Variants in GNRHR observed in about 807,000 individuals in gnomAD.
GNRHR encodes gonadotropin-releasing hormone receptor.
A neutral mutation model predicts 28.1 loss-of-function variants in GNRHR; 14 were observed. The ratio of observed to expected loss-of-function variants is 0.50; its 90% CI spans 0.33 to 0.78. The LOEUF is 0.78. Among genes scored for constraint, GNRHR ranks in the 30% least tolerant of loss-of-function variants. The probability of loss-of-function intolerance (pLI) is 0.02; values close to 1 mark genes in which losing one functional copy is unlikely to be tolerated. For missense variants in GNRHR, 366 were observed against 382.1 expected (o/e 0.96, Z 0.35); for synonymous variants, 141 against 140.5 (o/e 1.00, Z -0.02).
chr4:67,739,678 C>G lies in GNRHR; in HGVS notation c.*802G>C, dbSNP rs35610027. ...TCATACTATGCATAGAGCGTACTCA[C>G]TATGAGTATTTTCTTAGTTGCATTT... On this transcript the variant is annotated 3_prime_UTR_variant, in exon 3 of 3. Coordinates refer to ENST00000226413, the MANE Select transcript of GNRHR (RefSeq NM_000406.3). 0.23 allele frequency: 34,824 copies of G among 151,886 alleles called. 4,107 individuals carry two copies. The highest frequency in any genetic ancestry group is 0.3 in the Middle Eastern group (88 of 294). 9.4% of individuals were successfully genotyped at this position (151,886 alleles called of 1,614,324 possible). A position where few individuals can be genotyped will look rare whatever the true frequency, so the allele number is the denominator to read the frequency against.
chr4:67,744,623 G>T lies in GNRHR; in HGVS notation c.687C>A (p.Ile229=). The part of the protein sequence containing the change: ...LFIIPLFIML[I]CNAKIIFTLT... ...GGGTGAAGATGATTTTTGCATTGCA[G>T]ATCAGCATGATGAAAAGAGGGATGA... is the stretch of plus-strand genomic sequence containing the variant. Residue 229 remains isoleucine, a synonymous_variant, in exon 2 of 3, where the codon ATC becomes ATA. Coordinates refer to ENST00000226413, the MANE Select transcript of GNRHR (RefSeq NM_000406.3). The T allele has an allele frequency of 6.2e-7, 1 of 1,613,438 alleles. No homozygotes were observed. The highest frequency in any genetic ancestry group is 1.3e-5 in the African/African-American group (1 of 75,056).
intron 1 of GNRHR, among the ~76,000 whole-genome samples, chr4:67,748,017 T>C (rs765565370): frequency 2.6e-5 from 4 of 152,184 alleles, no homozygotes; most frequent in Non-Finnish European, 4.4e-5. Flanking sequence ...TTGCTTTTAG[T>C]TGTTCATTTG....
chr4:67,753,649 T>G (rs1731910274), intron 1 of GNRHR, 165 bp downstream of exon 1: 2 of 637,504 alleles, frequency 3.1e-6, no homozygotes, highest in South Asian at 1.9e-5. Flanking sequence ...TTAAGAAGTT[T>G]GCCCAAGGTA....
In GNRHR at chr4:67,740,522, G is replaced by T; in HGVS notation, c.945C>A (p.Asn315Lys). 1 of 1,605,910 alleles carries T rather than the reference G, an allele frequency of 6.2e-7. No homozygotes were observed. The highest frequency in any genetic ancestry group is 1.3e-5 in the African/African-American group (1 of 74,840). ...NHFFFLFAFL[N>K]PCFDPLIYGY... ...CATAGATAAGTGGATCAAAGCATGG[G>T]TTTAAAAAGGCAAAGAGAAAGAAGA... The change falls in exon 3 of 3, where the codon AAC becomes AAA. Residue 315 changes from asparagine to lysine, a missense_variant. Asn to Lys is a moderately conservative substitution (Grantham distance 94). Transcript: ENST00000226413.
intron 1 of GNRHR, among the ~76,000 whole-genome samples, chr4:67,749,871 A>C (rs1392228965): frequency 6.6e-6 from 1 of 152,138 alleles, no homozygotes; most frequent in Non-Finnish European, 1.5e-5. Context: ...ATTTTGAAAA[A>C]TTTGAAATAA....
At position 67,748,653 on chromosome 4, in the gene GNRHR, A is replaced by G. The variant is rs1015366388; in HGVS notation, c.523-3866T>C. Among the ~76,000 whole-genome samples, 15 of 151,808 alleles carry G rather than the reference A, an allele frequency of 9.9e-5. 1 individual carries two copies. Among genetic ancestry groups the G allele is most frequent in the African/African-American group, 3.1e-4 (13 of 41,386 alleles). ...GGCTGCACCCATTAACTCGCATGGC[A>G]CATGTATACATATGTAACAAACCTG... On this transcript the variant is annotated intron_variant, in intron 1 of 2. Coordinates refer to ENST00000226413, the MANE Select transcript of GNRHR (RefSeq NM_000406.3).
chr4:67,740,509 G>A lies in GNRHR; in HGVS notation c.958C>T (p.Pro320Ser). The change falls in exon 3 of 3, where the codon CCA becomes TCA. Residue 320 changes from proline (P) to serine (S), a missense_variant. Coordinates refer to ENST00000226413, the MANE Select transcript of GNRHR (RefSeq NM_000406.3). ...LFAFLNPCFD[P>S]LIYGYFSL ...AGAGAAAAATATCCATAGATAAGTG[G>A]ATCAAAGCATGGGTTTAAAAAGGCA... 1 of 1,605,126 alleles carries A rather than the reference G, an allele frequency of 6.2e-7. No individual in the cohort carries two copies. The highest frequency in any genetic ancestry group is 8.5e-7 in the Non-Finnish European group (1 of 1,171,948).
At chr4:67,753,310 G>T (rs1181905247) in intron 1 of GNRHR, among the ~76,000 whole-genome samples, 1 of 152,162 alleles carries the variant, frequency 6.6e-6, no homozygotes, top group Admixed American at 6.5e-5. Context: ...TCTCTAAGCT[G>T]CAGTGACAGA....
intron 2 of GNRHR, among the ~76,000 whole-genome samples, chr4:67,743,457 C>T (rs779015563): frequency 7.2e-5 from 11 of 152,172 alleles, no homozygotes; most frequent in Admixed American, 1.3e-4. Context: ...AGACTGTAGT[C>T]TCCATGAAAG....
chr4:67,748,847 A>G (rs547586537), intron 1 of GNRHR, among the ~76,000 whole-genome samples: 7 of 152,080 alleles, frequency 4.6e-5, no homozygotes, highest in African/African-American at 1.7e-4. Flanking sequence ...TCCACTTAGT[A>G]AACAGTAATT....
chr4:67,748,734 T>C (rs565071011), intron 1 of GNRHR, among the ~76,000 whole-genome samples: 113 of 148,960 alleles, frequency 7.6e-4, no homozygotes, highest in African/African-American at 2.6e-3. Context: ...ATAAAATAAA[T>C]AAATAAATAA....
chr4:67,741,502 A>G (rs183886682), intron 2 of GNRHR, among the ~76,000 whole-genome samples: 32 of 152,298 alleles, frequency 2.1e-4, no homozygotes, highest in African/African-American at 7.0e-4. Flanking sequence ...CTGTGCTGCT[A>G]TGAACATTCC....
At chr4:67,750,409 T>A (rs1731844573) in intron 1 of GNRHR, among the ~76,000 whole-genome samples, 1 of 152,206 alleles carries the variant, frequency 6.6e-6, no homozygotes, top group East Asian at 1.9e-4. Flanking sequence ...GTATTTTATT[T>A]AAAAATTTTT....
At position 67,740,716 on chromosome 4, in the gene GNRHR, G is replaced by C. The variant is rs1013973990; in HGVS notation, c.751C>G (p.Leu251Val). Residue 251 changes from leucine to valine, a missense_variant, in exon 3 of 3, where the codon CTG becomes GTG. By Grantham distance (32) the Leu-to-Val change is conservative (BLOSUM62 1). Coordinates refer to ENST00000226413, the MANE Select transcript of GNRHR (RefSeq NM_000406.3). ...VLHQDPHELQ[L>V]NQSKNNIPRA... ...GGTATATTGTTCTTGGACTGATTCA[G>C]TTGTAGTTCTGTTGGATAGAGAAAA... 2 of 1,609,794 alleles carry C rather than the reference G, an allele frequency of 1.2e-6. No homozygotes were observed. The highest frequency in any genetic ancestry group is 1.7e-6 in the Non-Finnish European group (2 of 1,176,092).
At chr4:67,749,808 G>A (rs1305427347) in intron 1 of GNRHR, among the ~76,000 whole-genome samples, 3 of 152,034 alleles carry the variant, frequency 2.0e-5, no homozygotes, top group Non-Finnish European at 4.4e-5. Context: ...GAGTGAGTAT[G>A]ATAGCTTTGT....
rs758404247 is a variant in GNRHR at position 67,744,579 on chromosome 4, T to A, written c.731A>T (p.Gln244Leu). The change falls in exon 2 of 3, where the codon CAG becomes CTG. Residue 244 changes from glutamine to leucine, a missense_variant. Transcript: ENST00000226413. ...IIFTLTRVLH[Q>L]DPHELQLNQS... is the part of the protein sequence containing the mutation. ...TAAGGAATACATACCGTGGGGGTCC[T>A]GATGAAGGACCCGTGTCAGGGTGAA... 1.1e-5 allele frequency: 17 copies of A among 1,597,064 alleles called. No individual in the cohort carries two copies. Among genetic ancestry groups the A allele is most frequent in the Non-Finnish European group, 1.4e-5 (16 of 1,164,442 alleles).
Position 67,739,521 on chromosome 4 carries a change from C to G in GNRHR, c.*959G>C, listed in dbSNP as rs1163605806. ...AAGCTGTAGTTTTCTCTCCAGAGTT[C>G]CTTTTGTGTATCAAGCATCTTTTTG... On this transcript the variant is annotated 3_prime_UTR_variant, in exon 3 of 3. Coordinates refer to ENST00000226413, the MANE Select transcript of GNRHR (RefSeq NM_000406.3). 1 of 151,944 alleles carries G rather than the reference C, an allele frequency of 6.6e-6. No individual in the cohort carries two copies. Among genetic ancestry groups the G allele is most frequent in the Admixed American group, 6.6e-5 (1 of 15,228 alleles). 9.4% of individuals were successfully genotyped at this position (151,944 alleles called of 1,614,324 possible).
chr4:67,751,070 T>C (rs1243544244), intron 1 of GNRHR, among the ~76,000 whole-genome samples: 1 of 152,188 alleles, frequency 6.6e-6, no homozygotes, highest in Non-Finnish European at 1.5e-5. Flanking sequence ...AATGAATCCT[T>C]TTAAATCAGT....
intron 1 of GNRHR, among the ~76,000 whole-genome samples, chr4:67,748,563 G>T (rs936744665): frequency 2.0e-5 from 3 of 151,934 alleles, no homozygotes; most frequent in Non-Finnish European, 1.5e-5. Context: ...CAGGTAAAAA[G>T]GAAATAGACA....
Sources: allele counts gnomAD v4.1 joint callset (sites outside exome capture counted in the v4.1 genomes callset), GRCh38; gene constraint gnomAD v4.1.1; transcripts MANE v1.5; gene names NCBI Gene and HGNC (gene_info 2026-07-23, HGNC 2026-07-21).